Variants in CNTLN observed in about 807,000 individuals in gnomAD.
CNTLN encodes the protein centlein, centrosomal protein.
Under a neutral mutation model 180.0 loss-of-function variants are expected in CNTLN, and 212 were observed. The observed-to-expected ratio is 1.18, with a 90% CI of 1.05 to 1.32. The LOEUF is 1.32. CNTLN is among the 40% of genes most tolerant of loss of function. The pLI is 0.00. For synonymous variants in CNTLN, 722 were observed against 563.1 expected, an observed-to-expected ratio of 1.28 and a Z score of -3.99; for missense variants, 2,095 against 1,610.9, an observed-to-expected ratio of 1.30 and a Z score of -5.14.
chr9:17,502,563 T>C lies in CNTLN; in HGVS notation c.4132T>C (p.Ser1378Pro), dbSNP rs1377058614. 2.2e-6 allele frequency: 3 copies of C among 1,389,074 alleles called. No homozygotes were observed. The highest frequency in any genetic ancestry group is 3.0e-6 in the Non-Finnish European group (3 of 1,015,820). The allele number at this position is 1,389,074 out of a possible 1,614,324, so 86.0% of individuals were successfully genotyped here. A position where few individuals can be genotyped will look rare whatever the true frequency, so the allele number is the denominator to read the frequency against. Residue 1378 changes from serine to proline, a missense_variant, in exon 26 of 26, where the codon TCA (serine) becomes CCA (proline). Transcript: ENST00000380647. ...KLLEGQLPFASYLLEAVLEKI... is the reference protein window; with the variant it reads ...KLLEGQLPFAPYLLEAVLEKI... Reference sequence around the variant, plus strand: ...GTTTCTTTTACAGCTTCCTTTTGCCTCATATTTACTAGAAGCAGTACTGGA... The same window carrying C: ...GTTTCTTTTACAGCTTCCTTTTGCCCCATATTTACTAGAAGCAGTACTGGA...
intron 6 of CNTLN, among the ~76,000 whole-genome samples, chr9:17,281,354 C>T (rs1184903120): frequency 6.6e-6 from 1 of 151,934 alleles, no homozygotes; most frequent in African/African-American, 2.4e-5. Context: ...AAATATGTGC[C>T]ATGGTGGTTT....
At chr9:17,494,821 TACTC>T (rs1230072003) in intron 25 of CNTLN, 2 of 386,242 alleles carry the variant, frequency 5.2e-6, no homozygotes, top group Non-Finnish European at 1.0e-5. Flanking sequence ...CTGCACATAA[TACTC>T]AATAATGATA....
chr9:17,506,543 C>T (rs916862845), downstream of CNTLN, among the ~76,000 whole-genome samples: 4 of 152,128 alleles, frequency 2.6e-5, no homozygotes, highest in Non-Finnish European at 5.9e-5. Context: ...GAGTGAATTT[C>T]ATTCTTCAAC....
intron 5 of CNTLN, among the ~76,000 whole-genome samples, chr9:17,241,601 A>G (rs1825496279): frequency 6.7e-6 from 1 of 150,348 alleles, no homozygotes; most frequent in Non-Finnish European, 1.5e-5. Flanking sequence ...TGTCATTAGT[A>G]TTTTGATAGG....
chr9:17,270,005 A>G (rs1315055556), intron 5 of CNTLN, among the ~76,000 whole-genome samples: 2 of 152,148 alleles, frequency 1.3e-5, no homozygotes, highest in African/African-American at 2.4e-5. Context: ...GTCATCTTTT[A>G]TAATCTTGCT....
At chr9:17,296,718 C>G (rs933904408) in intron 6 of CNTLN, among the ~76,000 whole-genome samples, 1 of 152,094 alleles carries the variant, frequency 6.6e-6, no homozygotes, top group Non-Finnish European at 1.5e-5. Flanking sequence ...TGGTTCTCTT[C>G]TCTCCCCTTT....
At chr9:17,196,779 A>G (rs144097681) in intron 2 of CNTLN, among the ~76,000 whole-genome samples, 1 of 152,206 alleles carries the variant, frequency 6.6e-6, no homozygotes, top group Non-Finnish European at 1.5e-5. Flanking sequence ...AGATTTGGAT[A>G]CAGGCATACA....
intron 2 of CNTLN, among the ~76,000 whole-genome samples, chr9:17,221,383 A>G (rs914199855): frequency 2.6e-4 from 39 of 152,138 alleles, no homozygotes; most frequent in African/African-American, 9.4e-4. Context: ...CTGAAAGTAC[A>G]TTATATTTTA....
At chr9:17,263,704 G>A (rs1441803019) in intron 5 of CNTLN, among the ~76,000 whole-genome samples, 1 of 143,404 alleles carries the variant, frequency 7.0e-6, no homozygotes, top group East Asian at 2.2e-4. Flanking sequence ...TCCAGCCCCT[G>A]TTGTTTCCTG....
chr9:17,462,847 A>C, intron 19 of CNTLN, 69 bp from the exon 20 acceptor site: 1 of 593,018 alleles, frequency 1.7e-6, no homozygotes, highest in Non-Finnish European at 2.8e-6. Flanking sequence ...TTAGAATGGC[A>C]CTTATTTTTA....
At chr9:17,412,953 G>A (rs2584550) in intron 16 of CNTLN, among the ~76,000 whole-genome samples, 137,423 of 152,184 alleles carry the variant, frequency 0.9, 62,544 homozygotes, top group Non-Finnish European at 0.97. Context: ...AGATATAAAA[G>A]TACCCAGATC....
chr9:17,135,480 T>TG (rs1422729827), intron 1 of CNTLN, 55 bp downstream of exon 1: 13 of 1,532,156 alleles, frequency 8.5e-6, no homozygotes, highest in Non-Finnish European at 1.1e-5. Context: ...CCGGGACCCG[T>TG]GGGGAGGCGC....
chr9:17,522,152 A>AT, the CNTLN span, among the ~76,000 whole-genome samples: 4 of 152,028 alleles, frequency 2.6e-5, no homozygotes, highest in African/African-American at 7.2e-5. Context: ...GCTCCCAGGG[A>AT]TTTTTTAAGG....
At position 17,264,801 on chromosome 9, in the gene CNTLN, G is replaced by C. The variant is rs201004223; in HGVS notation, c.850-8932G>C. Among the ~76,000 whole-genome samples the C allele has an allele frequency of 1.7e-4, 26 of 149,340 alleles. 1 individual carries two copies. Among genetic ancestry groups the C allele is most frequent in the Admixed American group, 8.6e-4 (13 of 15,044 alleles). ...CTAGGTATTTTATTCTCTTTGAAGC[G>C]ATTGTGAATGTGAGTTCACTCATGA... On this transcript the variant is annotated intron_variant, in intron 5 of 25. Transcript: ENST00000380647.
At chr9:17,519,242 G>GTTT in the CNTLN span, among the ~76,000 whole-genome samples, 30 of 84,926 alleles carry the variant, frequency 3.5e-4, no homozygotes, top group African/African-American at 1.0e-3. Flanking sequence ...TGAGATTTGA[G>GTTT]TGTTTTTTTT....
intron 10 of CNTLN, among the ~76,000 whole-genome samples, chr9:17,340,329 A>G (rs750767936): frequency 7.9e-5 from 12 of 152,160 alleles, no homozygotes; most frequent in Non-Finnish European, 1.6e-4. Context: ...CTTCTAACAT[A>G]GGGTCCAATC....
chr9:17,372,944 C>T (rs1824450491), intron 13 of CNTLN, among the ~76,000 whole-genome samples: 1 of 152,114 alleles, frequency 6.6e-6, no homozygotes, highest in South Asian at 2.1e-4. Flanking sequence ...ATGAGAAAAT[C>T]TCTCAAAAAA....
At chr9:17,490,389 A>G (rs1833096388) in intron 25 of CNTLN, among the ~76,000 whole-genome samples, 2 of 152,096 alleles carry the variant, frequency 1.3e-5, no homozygotes, top group Non-Finnish European at 2.9e-5. Context: ...GGGTGAGTTT[A>G]ATATACTACA....
chr9:17,368,115 T>C (rs1823988780), intron 13 of CNTLN, among the ~76,000 whole-genome samples: 1 of 149,638 alleles, frequency 6.7e-6, no homozygotes, highest in Non-Finnish European at 1.5e-5. Context: ...GGGAAACCCA[T>C]TGCACTGAAA....
Sources: gnomAD v4.1 joint callset for allele counts (sites outside exome capture counted in the v4.1 genomes callset) on GRCh38, gnomAD v4.1.1 for gene constraint, MANE v1.5 for transcripts, NCBI Gene and HGNC (gene_info 2026-07-23, HGNC 2026-07-21) for gene names.